The following KIAA0825 variants were observed in gnomAD, a reference collection of about 807,000 sequenced individuals.
KIAA0825 encodes the protein KIAA0825.
Under a neutral mutation model 147.6 loss-of-function variants are expected in KIAA0825, and 119 were observed. The observed-to-expected ratio is 0.81, with a 90% CI of 0.69 to 0.94. The LOEUF (loss-of-function observed/expected upper bound fraction) is 0.94, where lower values mean the gene tolerates loss of function less well. Among genes scored for constraint, KIAA0825 ranks in the 40% least tolerant of loss-of-function variants. KIAA0825 has a pLI of 0.00. For missense variants in KIAA0825, 1,381 were observed against 1,472.7 expected (o/e 0.94, Z 1.02); for synonymous variants, 470 against 518.1 (o/e 0.91, Z 1.26).
intron 14 of KIAA0825, among the ~76,000 whole-genome samples, chr5:94,430,393 A>G (rs1755508128): frequency 6.6e-6 from 1 of 152,152 alleles, no homozygotes; most frequent in African/African-American, 2.4e-5. Flanking sequence ...ATTACTTCTT[A>G]TTTCAAAAAA....
chr5:94,233,259 C>T (rs1272617506), intron 20 of KIAA0825, among the ~76,000 whole-genome samples: 1 of 152,150 alleles, frequency 6.6e-6, no homozygotes, highest in Non-Finnish European at 1.5e-5. Flanking sequence ...CTAGCATGTA[C>T]TATAACTCAA....
intron 20 of KIAA0825, among the ~76,000 whole-genome samples, chr5:94,364,232 G>A (rs1745483143): frequency 1.3e-5 from 2 of 151,886 alleles, no homozygotes; most frequent in Admixed American, 6.6e-5. Context: ...CAGAACTGGA[G>A]AGGGGCTTGG....
intron 20 of KIAA0825, among the ~76,000 whole-genome samples, chr5:94,287,757 A>C (rs1015091267): frequency 1.3e-5 from 2 of 152,176 alleles, no homozygotes; most frequent in Non-Finnish European, 2.9e-5. Context: ...AATGTGTATT[A>C]AATTTAAATA....
intron 20 of KIAA0825, among the ~76,000 whole-genome samples, chr5:94,163,895 A>G (rs1156957028): frequency 6.6e-6 from 1 of 152,204 alleles, no homozygotes; most frequent in East Asian, 1.9e-4. Context: ...TGGTAATGGT[A>G]GGAAATTAAT....
At chr5:94,431,682 A>G (rs1755688837) in intron 14 of KIAA0825, among the ~76,000 whole-genome samples, 1 of 152,210 alleles carries the variant, frequency 6.6e-6, no homozygotes, top group Non-Finnish European at 1.5e-5. Context: ...TAAAAACAAC[A>G]TTTCAAAGGC....
chr5:94,349,045 T>G (rs911056020), intron 20 of KIAA0825, among the ~76,000 whole-genome samples: 4 of 151,684 alleles, frequency 2.6e-5, no homozygotes, highest in Admixed American at 2.0e-4. Context: ...ATCTGCTGTC[T>G]TTAGGAGACT....
At chr5:94,290,784 C>G (rs1197078215) in intron 20 of KIAA0825, among the ~76,000 whole-genome samples, 1 of 152,232 alleles carries the variant, frequency 6.6e-6, no homozygotes, top group Non-Finnish European at 1.5e-5. Context: ...TCCACATCCT[C>G]TCCAGCATCT....
chr5:94,369,471 C>T (rs12652871), intron 20 of KIAA0825, among the ~76,000 whole-genome samples: 2 of 152,110 alleles, frequency 1.3e-5, no homozygotes, highest in East Asian at 3.8e-4. Flanking sequence ...AGATAATCAC[C>T]TGAGGCTATG....
chr5:94,585,943 G>A (rs1783186047), intron 1 of KIAA0825, among the ~76,000 whole-genome samples: 1 of 152,214 alleles, frequency 6.6e-6, no homozygotes. Context: ...AGTGATTACC[G>A]GGTAAATAAT....
At chr5:94,445,869 G>A (rs751098933) in intron 13 of KIAA0825, among the ~76,000 whole-genome samples, 2 of 152,140 alleles carry the variant, frequency 1.3e-5, no homozygotes, top group Admixed American at 1.3e-4. Flanking sequence ...AGCCATTTAA[G>A]ATCTCTGGTG....
chr5:94,610,819 T>TA (rs200050008), intron 1 of KIAA0825, among the ~76,000 whole-genome samples: 1 of 99,488 alleles, frequency 1.0e-5, no homozygotes, highest in Admixed American at 9.4e-5. Flanking sequence ...ATAAAAAGAT[T>TA]AAAAAAAAAG....
At chr5:94,518,116 T>TAAAGA (rs1767550655) in intron 5 of KIAA0825, among the ~76,000 whole-genome samples, 1 of 152,172 alleles carries the variant, frequency 6.6e-6, no homozygotes. Flanking sequence ...TAGCAAAGAT[T>TAAAGA]TCGTGAGCAT....
chr5:94,593,488 T>C (rs112051773), intron 1 of KIAA0825: 24 of 657,646 alleles, frequency 3.6e-5, no homozygotes, highest in African/African-American at 2.9e-4. Context: ...TCTTCGAAAC[T>C]TTAGATATCA....
chr5:94,188,626 G>T (rs912567458), intron 20 of KIAA0825, among the ~76,000 whole-genome samples: 1 of 151,970 alleles, frequency 6.6e-6, no homozygotes, highest in Non-Finnish European at 1.5e-5. Flanking sequence ...TTATTGCTGA[G>T]TAATATTTGA....
At chr5:94,552,278 T>C (rs752681833) in intron 2 of KIAA0825, among the ~76,000 whole-genome samples, 3 of 152,104 alleles carry the variant, frequency 2.0e-5, no homozygotes, top group Admixed American at 2.0e-4. Flanking sequence ...AAGGCAAATA[T>C]GAGATGTAAA....
chr5:94,215,254 T>C (rs530997159), intron 20 of KIAA0825, among the ~76,000 whole-genome samples: 1 of 152,248 alleles, frequency 6.6e-6, no homozygotes, highest in African/African-American at 2.4e-5. Context: ...AAGCAGAAGC[T>C]AATGAAAGTA....
At chr5:94,578,348 T>C (rs1292587141) in intron 2 of KIAA0825, among the ~76,000 whole-genome samples, 1 of 152,202 alleles carries the variant, frequency 6.6e-6, no homozygotes, top group Non-Finnish European at 1.5e-5. Flanking sequence ...AGGTATAGAA[T>C]TATATAATTT....
chr5:94,364,269 C>A (rs544784570), intron 20 of KIAA0825, among the ~76,000 whole-genome samples: 2 of 151,690 alleles, frequency 1.3e-5, no homozygotes, highest in East Asian at 3.9e-4. Flanking sequence ...GGGTCTTCGA[C>A]GGGCAGAGTA....
chr5:94,173,754 TA>T (rs1392599444), intron 20 of KIAA0825, among the ~76,000 whole-genome samples: 1 of 152,146 alleles, frequency 6.6e-6, no homozygotes, highest in African/African-American at 2.4e-5. Context: ...TGGGTAGGTG[TA>T]CTGCTGCCAT....
Sources: allele counts gnomAD v4.1 joint callset (sites outside exome capture counted in the v4.1 genomes callset), GRCh38; gene constraint gnomAD v4.1.1; transcripts MANE v1.5; gene names NCBI Gene and HGNC (gene_info 2026-07-23, HGNC 2026-07-21).